Variants in FTCDNL1 observed in about 807,000 individuals in gnomAD.
The protein encoded by FTCDNL1 is formiminotransferase cyclodeaminase N-terminal like.
In FTCDNL1, 11 loss-of-function variants were observed where a neutral mutation model predicts 5.9. That is an observed-to-expected ratio of 1.87 (90% CI 1.18 to 3.10). FTCDNL1 has a LOEUF of 3.10. Among genes scored for constraint, FTCDNL1 ranks in the 30% most tolerant of loss-of-function variants. The pLI, the probability that FTCDNL1 is intolerant of heterozygous loss-of-function variation, is 0.00. For missense variants in FTCDNL1, 115 were observed against 65.5 expected, an observed-to-expected ratio of 1.76 and a Z score of -2.61; for synonymous variants, 58 against 24.8, an observed-to-expected ratio of 2.34 and a Z score of -3.99.
At chr2:199,709,540 G>A in the FTCDNL1 span, among the ~76,000 whole-genome samples, 3 of 152,148 alleles carry the variant, frequency 2.0e-5, no homozygotes, top group African/African-American at 7.2e-5. Context: ...ACTGAGAATT[G>A]CGTATGGAGT....
rs562003674 is a variant in FTCDNL1, at chr2:199,810,113, T to C, written c.*2592A>G. On this transcript the variant is annotated 3_prime_UTR_variant, in exon 5 of 5. Transcript: ENST00000420128. ...GAAAAGCACGGTTAAGAGCTAAGCG[T>C]CATCAGCAGCAACAGGCCTTAGACC... Among the ~76,000 whole-genome samples, 1 of 152,040 alleles carries C rather than the reference T, an allele frequency of 6.6e-6. No homozygotes were observed. The highest frequency in any genetic ancestry group is 1.5e-5 in the Non-Finnish European group (1 of 67,988).
chr2:199,668,342 T>C, the FTCDNL1 span, among the ~76,000 whole-genome samples: 1 of 152,158 alleles, frequency 6.6e-6, no homozygotes, highest in African/African-American at 2.4e-5. Flanking sequence ...AAGAGGTTGA[T>C]TTTATACCGC....
At chr2:199,834,838 T>C (rs1227029797) in intron 3 of FTCDNL1, among the ~76,000 whole-genome samples, 1 of 152,220 alleles carries the variant, frequency 6.6e-6, no homozygotes, top group South Asian at 2.1e-4. Context: ...TGCTACGTTA[T>C]ATAAACTTTG....
chr2:199,701,520 A>G, the FTCDNL1 span, among the ~76,000 whole-genome samples: 2 of 152,084 alleles, frequency 1.3e-5, no homozygotes, highest in Non-Finnish European at 2.9e-5. Context: ...TATGTTCATC[A>G]CAGCACTGTT....
At chr2:199,822,383 G>A (rs1701750207) in intron 3 of FTCDNL1, among the ~76,000 whole-genome samples, 2 of 152,176 alleles carry the variant, frequency 1.3e-5, no homozygotes, top group Admixed American at 6.5e-5. Flanking sequence ...CAGCCTTGGT[G>A]ACAGATCTAG....
intron 3 of FTCDNL1, among the ~76,000 whole-genome samples, chr2:199,843,160 T>C (rs1023186965): frequency 1.3e-5 from 2 of 152,114 alleles, no homozygotes; most frequent in African/African-American, 4.8e-5. Flanking sequence ...TAATTAGAAA[T>C]GTCCATGTTT....
At chr2:199,732,346 G>A in the FTCDNL1 span, among the ~76,000 whole-genome samples, 1 of 152,132 alleles carries the variant, frequency 6.6e-6, no homozygotes, top group Admixed American at 6.5e-5. Flanking sequence ...AAGTTAACAA[G>A]TCTTGGGAAC....
At chr2:199,773,988 CT>C in intron 3 of FTCDNL1, among the ~76,000 whole-genome samples, 1 of 152,218 alleles carries the variant, frequency 6.6e-6, no homozygotes, top group Non-Finnish European at 1.5e-5. Flanking sequence ...TTACATATCA[CT>C]TTAGTCAATA....
chr2:199,736,919 C>T, the FTCDNL1 span, among the ~76,000 whole-genome samples: 2 of 152,224 alleles, frequency 1.3e-5, no homozygotes. Flanking sequence ...TCCTGGGAAC[C>T]CCCTGTTGCC....
downstream of FTCDNL1, among the ~76,000 whole-genome samples, chr2:199,806,283 C>A (rs1438930431): frequency 6.6e-6 from 1 of 152,170 alleles, no homozygotes; most frequent in Non-Finnish European, 1.5e-5. Context: ...CCAAGCACAA[C>A]ATACTTCGGG....
Position 199,848,863 on chromosome 2 carries a change from G to GAGCT in FTCDNL1, c.96_99dup (p.Leu34SerfsTer4), listed in dbSNP as rs2076799076. On this transcript the variant is annotated frameshift_variant, in exon 2 of 5. Transcript: ENST00000420128. LOFTEE classifies it high-confidence loss of function. ...TTTTTCCTACCATTTTTGTCAAGAA[G>GAGCT]AGCTGCTTTTGCTATGTTCTCAACA... is the stretch of plus-strand genomic sequence containing the variant. 1.4e-6 allele frequency: 1 copy of GAGCT among 700,590 alleles called. No individual in the cohort carries two copies. Among genetic ancestry groups the GAGCT allele is most frequent in the South Asian group, 1.5e-5 (1 of 66,826 alleles). The allele number at this position is 700,590 out of a possible 1,614,324, so 43.4% of individuals were successfully genotyped here. A position where few individuals can be genotyped will look rare whatever the true frequency, so the allele number is the denominator to read the frequency against.
intron 3 of FTCDNL1, among the ~76,000 whole-genome samples, chr2:199,768,903 T>C (rs1174468713): frequency 6.6e-6 from 1 of 152,126 alleles, no homozygotes; most frequent in East Asian, 1.9e-4. Flanking sequence ...TTTGGATGGG[T>C]GGGCATCGTG....
intron 3 of FTCDNL1, among the ~76,000 whole-genome samples, chr2:199,835,716 G>A (rs1047317973): frequency 6.6e-6 from 1 of 152,086 alleles, no homozygotes; most frequent in Admixed American, 6.6e-5. Context: ...ACAGTTATGG[G>A]GCCTGAGCTC....
downstream of FTCDNL1, among the ~76,000 whole-genome samples, chr2:199,758,061 A>G (rs1559163922): frequency 6.6e-6 from 1 of 152,186 alleles, no homozygotes; most frequent in African/African-American, 2.4e-5. Flanking sequence ...TCACTAGCCA[A>G]CATTCAGCAA....
chr2:199,687,131 T>C, the FTCDNL1 span, among the ~76,000 whole-genome samples: 1 of 152,246 alleles, frequency 6.6e-6, no homozygotes, highest in Non-Finnish European at 1.5e-5. Flanking sequence ...ACCTCCATGC[T>C]AATTATAAAC....
the FTCDNL1 span, among the ~76,000 whole-genome samples, chr2:199,736,647 A>G: frequency 6.6e-6 from 1 of 152,344 alleles, no homozygotes; most frequent in Admixed American, 6.5e-5. Flanking sequence ...TTAGAGAAGA[A>G]GCAAATCCCC....
At chr2:199,724,499 A>G in the FTCDNL1 span, among the ~76,000 whole-genome samples, 43 of 152,024 alleles carry the variant, frequency 2.8e-4, no homozygotes, top group Admixed American at 7.2e-4. Context: ...AGATCTTTCT[A>G]GTTTTTTGAT....
At chr2:199,689,701 C>T in the FTCDNL1 span, among the ~76,000 whole-genome samples, 2 of 151,330 alleles carry the variant, frequency 1.3e-5, no homozygotes, top group Non-Finnish European at 2.9e-5. Context: ...TTGTAAGCTA[C>T]TCGGGAGGCT....
intron 3 of FTCDNL1, among the ~76,000 whole-genome samples, chr2:199,829,471 C>T (rs1702235331): frequency 6.6e-6 from 1 of 152,060 alleles, no homozygotes; most frequent in Non-Finnish European, 1.5e-5. Context: ...AGAATCGATG[C>T]AATTAGATGT....
Sources: allele counts gnomAD v4.1 joint callset (sites outside exome capture counted in the v4.1 genomes callset), GRCh38; gene constraint gnomAD v4.1.1; transcripts MANE v1.5; gene names NCBI Gene and HGNC (gene_info 2026-07-23, HGNC 2026-07-21).